RNF166: variants seen among roughly 807,000 people sequenced by gnomAD.
The protein encoded by RNF166 is ring finger protein 166, also known as E3 ubiquitin-protein ligase RNF166.
Under a neutral mutation model 29.4 loss-of-function variants are expected in RNF166, and 19 were observed. The observed-to-expected ratio is 0.65, with a 90% CI of 0.45 to 0.95. The LOEUF is 0.95. RNF166 is among the 40% of genes least tolerant of loss of function. The probability of loss-of-function intolerance (pLI) is 0.00; values close to 1 mark genes in which losing one functional copy is unlikely to be tolerated. For missense variants in RNF166, 347 were observed against 322.1 expected, an observed-to-expected ratio of 1.08 and a Z score of -0.59; for synonymous variants, 171 against 134.5, an observed-to-expected ratio of 1.27 and a Z score of -1.88.
At chr16:88,704,683 C>A (rs1312573860) in intron 1 of RNF166, among the ~76,000 whole-genome samples, 3 of 152,148 alleles carry the variant, frequency 2.0e-5, no homozygotes, top group African/African-American at 7.2e-5. Context: ...CAAACACCCG[C>A]TACCTGCTCA....
Position 88,696,530 on chromosome 16 carries a change from T to C in RNF166, c.*1038A>G. The C allele has an allele frequency of 2.3e-6, 1 of 429,038 alleles. No homozygotes were observed. Among genetic ancestry groups the C allele is most frequent in the Non-Finnish European group, 4.5e-6 (1 of 220,928 alleles). The allele number at this position is 429,038 out of a possible 1,614,324, so 26.6% of individuals were successfully genotyped here. On this transcript the variant is annotated 3_prime_UTR_variant, in exon 6 of 6. Coordinates refer to ENST00000312838, the MANE Select transcript of RNF166 (RefSeq NM_178841.4). ...CTGAGACATTTTATTTAAACTTTTT[T>C]TTTTAAAAAAAAGACAGCAATAATT... is the stretch of plus-strand genomic sequence containing the variant.
chr16:88,699,670 G>A lies in RNF166; in HGVS notation c.375C>T (p.Ala125=). ...SSCLKVQEQM[A]NCPKFVPVVP... ...CCACGGGGACGAACTTGGGGCAGTT[G>A]GCCATCTGCTCCTGGACCTTCAGGC... The change falls in exon 3 of 6, where the codon GCC becomes GCT. Residue 125 remains alanine, a synonymous_variant. Coordinates refer to ENST00000312838, the MANE Select transcript of RNF166 (RefSeq NM_178841.4). The A allele has an allele frequency of 6.2e-7, 1 of 1,613,518 alleles. No homozygotes were observed. The highest frequency in any genetic ancestry group is 8.5e-7 in the Non-Finnish European group (1 of 1,179,880).
chr16:88,702,827 C>T (rs944597306), intron 1 of RNF166: 1 of 985,402 alleles, frequency 1.0e-6, no homozygotes, highest in Non-Finnish European at 1.2e-6. Flanking sequence ...TCATCCCTGG[C>T]ACTGACCCCT....
At chr16:88,702,703 C>G in intron 1 of RNF166, 1 of 985,428 alleles carries the variant, frequency 1.0e-6, no homozygotes. Context: ...AAGCGGGACT[C>G]AGCTTGAGAC....
intron 5 of RNF166, chr16:88,698,094 G>A (rs1909812569): frequency 1.0e-5 from 6 of 579,206 alleles, no homozygotes; most frequent in Admixed American, 3.2e-5. Context: ...AGGGTCTGCA[G>A]GCCCGGGGGC....
chr16:88,699,426 G>T (rs1199857772), intron 3 of RNF166, among the ~76,000 whole-genome samples, 194 bp downstream of exon 3: 2 of 152,256 alleles, frequency 1.3e-5, no homozygotes, highest in African/African-American at 4.8e-5. Flanking sequence ...CCCTACCCCA[G>T]GGGGCCTGGT....
chr16:88,700,938 A>C, intron 2 of RNF166: 4 of 1,175,252 alleles, frequency 3.4e-6, no homozygotes, highest in East Asian at 6.0e-5. Flanking sequence ...TGGCAGGGGA[A>C]GGCTGCATTG....
chr16:88,701,077 G>T lies in RNF166; in HGVS notation c.312+185C>A, dbSNP rs567905600. On this transcript the variant is annotated intron_variant, in intron 2 of 5. Coordinates refer to ENST00000312838, the MANE Select transcript of RNF166 (RefSeq NM_178841.4). ...GGCCCCCCCGTCAGCCGTCACCACA[G>T]GAAGTGAGAGATGAAGACGGGAGGG... 204 of 1,305,072 alleles carry T rather than the reference G, an allele frequency of 1.6e-4. No homozygotes were observed. In the African/African-American group the frequency reaches 2.7e-3, roughly 17 times the overall value. 80.8% of individuals were successfully genotyped at this position (1,305,072 alleles called of 1,614,324 possible). A position where few individuals can be genotyped will look rare whatever the true frequency, so the allele number is the denominator to read the frequency against.
Position 88,698,891 on chromosome 16 carries a change from G to A in RNF166, c.540+80C>T, listed in dbSNP as rs7201334. 5,022 of 1,171,944 alleles carry A rather than the reference G, an allele frequency of 4.3e-3. 43 individuals carry two copies. The highest frequency in any genetic ancestry group is 0.011 in the Middle Eastern group (40 of 3,646). 72.6% of individuals were successfully genotyped at this position (1,171,944 alleles called of 1,614,324 possible). ...TGGCCTGGGCACCCCCGGACTCGCC[G>A]CGAGCAGGCTCCTGGGCCTTGTACT... On this transcript the variant is annotated intron_variant, in intron 4 of 5. Coordinates refer to ENST00000312838, the MANE Select transcript of RNF166 (RefSeq NM_178841.4).
chr16:88,702,560 G>A (rs2142660861), intron 1 of RNF166, among the ~76,000 whole-genome samples: 1 of 152,248 alleles, frequency 6.6e-6, no homozygotes, highest in Middle Eastern at 3.4e-3. Context: ...GAAGTCTGAG[G>A]GCCTCAGGCA....
intron 1 of RNF166, among the ~76,000 whole-genome samples, chr16:88,702,612 C>T (rs78758732): frequency 6.6e-6 from 1 of 152,184 alleles, no homozygotes; most frequent in African/African-American, 2.4e-5. Flanking sequence ...CTGCTGTCCC[C>T]CAGGCCCTCT....
intron 3 of RNF166, 104 bp downstream of exon 3, chr16:88,699,516 C>T (rs1909988841): frequency 1.1e-6 from 1 of 890,940 alleles, no homozygotes; most frequent in Non-Finnish European, 1.7e-6. Context: ...GGACCCGGCC[C>T]CGGGTGACTC....
At position 88,705,201 on chromosome 16, in the gene RNF166, C is replaced by G. The variant is rs148157370; in HGVS notation, c.155+970G>C. 3.1e-3 allele frequency among the ~76,000 whole-genome samples: 476 copies of G among 152,336 alleles called. 4 individuals are homozygous for G. Among genetic ancestry groups the G allele is most frequent in the African/African-American group, 0.01 (420 of 41,574 alleles). ...GCCACCTCCGTGGGTGACCAGCACA[C>G]ATCCACCTAGCAGTCCCAGCTCCCT... On this transcript the variant is annotated intron_variant, in intron 1 of 5. Coordinates refer to ENST00000312838, the MANE Select transcript of RNF166 (RefSeq NM_178841.4).
chr16:88,705,982 G>A (rs1449357438), intron 1 of RNF166, among the ~76,000 whole-genome samples, 189 bp downstream of exon 1: 3 of 152,024 alleles, frequency 2.0e-5, no homozygotes, highest in African/African-American at 7.2e-5. Context: ...CTGGGCGGGG[G>A]ATGAACGCGC....
At chr16:88,698,230 G>C in intron 5 of RNF166, 1 of 646,472 alleles carries the variant, frequency 1.5e-6, no homozygotes, top group Middle Eastern at 3.3e-4. Flanking sequence ...CCCTCGAGGG[G>C]TTCTGTGGGG....
At position 88,706,356 on chromosome 16, in the gene RNF166, C is replaced by G; in HGVS notation, c.-31G>C. The G allele has an allele frequency of 2.5e-6, 3 of 1,216,832 alleles. No individual in the cohort carries two copies. The highest frequency in any genetic ancestry group is 4.4e-5 in the Admixed American group (1 of 22,738). 75.4% of individuals were successfully genotyped at this position (1,216,832 alleles called of 1,614,324 possible). ...GGCCAGGCCCGCGCCGCCCGCCGCC[C>G]GCTGTCCTGGCCCGGGCCGGCCCGC... On this transcript the variant is annotated 5_prime_UTR_variant, in exon 1 of 6. Coordinates refer to ENST00000312838, the MANE Select transcript of RNF166 (RefSeq NM_178841.4).
Position 88,696,772 on chromosome 16 carries a change from GC to G in RNF166, c.*795del, listed in dbSNP as rs1909676557. The G allele has an allele frequency of 2.7e-6, 1 of 373,820 alleles. No homozygotes were observed. The highest frequency in any genetic ancestry group is 5.2e-6 in the Non-Finnish European group (1 of 192,352). The allele number at this position is 373,820 out of a possible 1,614,324, so 23.2% of individuals were successfully genotyped here. ...CTGCTGGGAGCAGCCACAGCCTGTG[GC>G]TGGGGTGCTGGGATTTCTTCCTGGT... On this transcript the variant is annotated 3_prime_UTR_variant, in exon 6 of 6. Coordinates refer to ENST00000312838, the MANE Select transcript of RNF166 (RefSeq NM_178841.4).
chr16:88,697,406 G>A lies in RNF166; in HGVS notation c.*162C>T, dbSNP rs191712666. On this transcript the variant is annotated 3_prime_UTR_variant, in exon 6 of 6. Transcript: ENST00000312838. ...CTCTGGCGGCCTCGGCGGCTGGCCC[G>A]TATTCAGGCCCGGAGGCTCGGCCCC... is the stretch of plus-strand genomic sequence containing the variant. The A allele has an allele frequency of 6.2e-4, 346 of 560,118 alleles. 1 individual carries two copies. The highest frequency in any genetic ancestry group is 2.1e-3 in the East Asian group (67 of 32,204). 34.7% of individuals were successfully genotyped at this position (560,118 alleles called of 1,614,324 possible). A position where few individuals can be genotyped will look rare whatever the true frequency, so the allele number is the denominator to read the frequency against.
At chr16:88,703,828 G>A (rs1001321147) in intron 1 of RNF166, 1 of 985,338 alleles carries the variant, frequency 1.0e-6, no homozygotes, top group Admixed American at 6.1e-5. Context: ...AAGCTGAGAA[G>A]CTGGGACGGC....
Sources: gnomAD v4.1 joint callset for allele counts (sites outside exome capture counted in the v4.1 genomes callset) on GRCh38, gnomAD v4.1.1 for gene constraint, MANE v1.5 for transcripts, NCBI Gene and HGNC (gene_info 2026-07-23, HGNC 2026-07-21) for gene names.